The following KIF6 variants were observed in gnomAD, a reference collection of about 807,000 sequenced individuals.
The protein encoded by KIF6 is kinesin-like protein KIF6.
KIF6 carries 106 observed loss-of-function variants against 112.7 expected under a neutral mutation model. That is an observed-to-expected ratio of 0.94 (90% CI 0.80 to 1.11). KIF6 has a LOEUF of 1.11. KIF6 is among the 50% of genes least tolerant of loss of function. The pLI, the probability that KIF6 is intolerant of heterozygous loss-of-function variation, is 0.00. For synonymous variants in KIF6, 339 were observed against 339.9 expected, an observed-to-expected ratio of 1.00 and a Z score of 0.03; for missense variants, 929 against 964.0, an observed-to-expected ratio of 0.96 and a Z score of 0.48.
At chr6:39,521,062 A>C (rs1347622601) in intron 13 of KIF6, among the ~76,000 whole-genome samples, 2 of 152,198 alleles carry the variant, frequency 1.3e-5, no homozygotes, top group Admixed American at 1.3e-4. Flanking sequence ...TGTTGGTATA[A>C]ATCCCAGAAA....
rs551023684 is a variant in KIF6 at position 39,581,059 on chromosome 6, C to T, written c.1078-2900G>A. Among the ~76,000 whole-genome samples, 7 of 151,906 alleles carry T rather than the reference C, an allele frequency of 4.6e-5. No homozygotes were observed. The South Asian group carries it at 1.5e-3, about 32-fold the overall frequency. On this transcript the variant is annotated intron_variant, in intron 9 of 22. Transcript: ENST00000287152. ...AAATTAGCAGGCTTGATCCAGCTTT[C>T]ATCCTTTCTGGAATATTTGGTAGTA...
intron 3 of KIF6, among the ~76,000 whole-genome samples, chr6:39,643,454 T>C (rs1785011025): frequency 6.6e-6 from 1 of 152,230 alleles, no homozygotes; most frequent in African/African-American, 2.4e-5. Context: ...GACAGAGGGA[T>C]ACTGGCATAA....
chr6:39,506,517 A>T (rs1211080443), intron 13 of KIF6, among the ~76,000 whole-genome samples: 1 of 152,170 alleles, frequency 6.6e-6, no homozygotes, highest in Non-Finnish European at 1.5e-5. Flanking sequence ...TTTAAATAAA[A>T]GTTGGAAAGT....
rs1011669592 is a variant in KIF6 at position 39,710,924 on chromosome 6, C to T, written c.251+3768G>A. On this transcript the variant is annotated intron_variant, in intron 3 of 22. Transcript: ENST00000287152. ...TGTGTAATTTCAACTACTCGGGAGG[C>T]CTTGAGGCAGGAGGATCGTTTAAGT... is the stretch of plus-strand genomic sequence containing the variant. Among the ~76,000 whole-genome samples the T allele has an allele frequency of 2.0e-5, 3 of 151,676 alleles. No individual in the cohort carries two copies. The South Asian group carries it at 6.3e-4, about 32-fold the overall frequency.
chr6:39,678,315 T>C (rs1205300811), intron 3 of KIF6, among the ~76,000 whole-genome samples: 1 of 152,190 alleles, frequency 6.6e-6, no homozygotes, highest in Admixed American at 6.5e-5. Flanking sequence ...TATACCCAAA[T>C]GAGTATAATT....
chr6:39,586,903 C>T (rs1396058557), intron 7 of KIF6, among the ~76,000 whole-genome samples: 1 of 152,112 alleles, frequency 6.6e-6, no homozygotes, highest in Non-Finnish European at 1.5e-5. Flanking sequence ...TCAGTCTCCT[C>T]ATCTGTAAAA....
At chr6:39,550,562 A>T (rs1228791311) in intron 10 of KIF6, among the ~76,000 whole-genome samples, 1 of 152,208 alleles carries the variant, frequency 6.6e-6, no homozygotes. Flanking sequence ...GGGATGAAAA[A>T]TACCCCAGTT....
intron 14 of KIF6, among the ~76,000 whole-genome samples, chr6:39,426,921 G>A (rs894193137): frequency 3.3e-5 from 5 of 152,194 alleles, no homozygotes; most frequent in African/African-American, 4.8e-5. Context: ...CTATGGGGTA[G>A]AGAGGCTGAA....
chr6:39,694,664 T>C (rs556932998), intron 3 of KIF6, among the ~76,000 whole-genome samples: 6 of 152,232 alleles, frequency 3.9e-5, no homozygotes, highest in Admixed American at 2.6e-4. Flanking sequence ...AAAGAAATCA[T>C]AGGTGATACA....
chr6:39,425,650 CA>C (rs1383624191), intron 14 of KIF6, among the ~76,000 whole-genome samples: 2 of 135,086 alleles, frequency 1.5e-5, no homozygotes, highest in African/African-American at 2.8e-5. Flanking sequence ...CATTCACAAA[CA>C]AAAAAAGTGT....
At position 39,720,802 on chromosome 6, in the gene KIF6, T is replaced by C. The variant is rs760449410; in HGVS notation, c.76A>G (p.Ile26Val). Residue 26 changes from isoleucine to valine, a missense_variant, in exon 2 of 23, where the codon ATA (isoleucine) becomes GTA (valine). Transcript: ENST00000287152. Reference protein sequence around the residue: ...VRKHQQGIYSIDEDEKLIPSL... With the variant: ...VRKHQQGIYSVDEDEKLIPSL... ...GGTATTAATTTTTCATCTTCATCTA[T>C]GGAATAAATCTGCAAATGTGAAGAC... 22 of 1,531,846 alleles carry C rather than the reference T, an allele frequency of 1.4e-5. No individual in the cohort carries two copies. Among genetic ancestry groups the C allele is most frequent in the Non-Finnish European group, 1.9e-5 (21 of 1,105,378 alleles). The allele number at this position is 1,531,846 out of a possible 1,614,324, so 94.9% of individuals were successfully genotyped here.
At chr6:39,383,123 A>G (rs1767111265) in intron 16 of KIF6, among the ~76,000 whole-genome samples, 1 of 151,584 alleles carries the variant, frequency 6.6e-6, no homozygotes, top group African/African-American at 2.4e-5. Context: ...TTGTCTGTTT[A>G]CTCTGTTGAG....
chr6:39,337,929 A>G (rs1004776156), intron 22 of KIF6, among the ~76,000 whole-genome samples: 2 of 152,222 alleles, frequency 1.3e-5, no homozygotes, highest in African/African-American at 4.8e-5. Context: ...AATGTGGTCC[A>G]TGGACCAGCA....
intron 16 of KIF6, among the ~76,000 whole-genome samples, chr6:39,370,821 G>A (rs1765923349): frequency 1.3e-5 from 2 of 152,070 alleles, no homozygotes; most frequent in Admixed American, 1.3e-4. Context: ...CTGTGTGGGT[G>A]CTGGGGGTGG....
intron 15 of KIF6, among the ~76,000 whole-genome samples, chr6:39,399,725 TC>T (rs1012889753): frequency 3.9e-5 from 6 of 152,326 alleles, no homozygotes; most frequent in African/African-American, 1.4e-4. Flanking sequence ...TGTGGAAGCC[TC>T]CATGAATGAG....
At chr6:39,538,393 G>T (rs1004235401) in intron 13 of KIF6, among the ~76,000 whole-genome samples, 6 of 151,764 alleles carry the variant, frequency 4.0e-5, no homozygotes, top group Non-Finnish European at 8.8e-5. Context: ...AACCCCATCA[G>T]AAAGTGGGCA....
intron 12 of KIF6, among the ~76,000 whole-genome samples, chr6:39,541,821 A>G (rs912717614): frequency 3.3e-5 from 5 of 152,202 alleles, no homozygotes; most frequent in Non-Finnish European, 7.3e-5. Context: ...CCAGAGGAAG[A>G]ACATCAATGC....
chr6:39,671,670 C>G (rs761014311), intron 3 of KIF6, among the ~76,000 whole-genome samples: 2 of 152,220 alleles, frequency 1.3e-5, no homozygotes, highest in Non-Finnish European at 2.9e-5. Flanking sequence ...ATCTGATGTC[C>G]CCACATCTTT....
intron 10 of KIF6, among the ~76,000 whole-genome samples, chr6:39,553,512 C>A (rs1779512777): frequency 1.3e-5 from 2 of 152,186 alleles, no homozygotes; most frequent in Non-Finnish European, 2.9e-5. Context: ...TGTATGCATT[C>A]ATGGCCAGGT....
Sources: gnomAD v4.1 joint callset for allele counts (sites outside exome capture counted in the v4.1 genomes callset) on GRCh38, gnomAD v4.1.1 for gene constraint, MANE v1.5 for transcripts, NCBI Gene and HGNC (gene_info 2026-07-23, HGNC 2026-07-21) for gene names.